Variants in CRYBG3 observed in about 807,000 individuals in gnomAD.
CRYBG3 encodes very large A-kinase anchor protein.
Under a neutral mutation model 244.2 loss-of-function variants are expected in CRYBG3, and 127 were observed. That is an observed-to-expected ratio of 0.52 (90% CI 0.45 to 0.60). CRYBG3 has a LOEUF of 0.60. Ranked by LOEUF, CRYBG3 falls within the 20% of genes least tolerant of loss-of-function variation. The pLI is 0.00. For missense variants in CRYBG3, 3,325 were observed against 3,442.5 expected (o/e 0.97, Z 0.85); for synonymous variants, 1,132 against 1,195.8 (o/e 0.95, Z 1.10).
At chr3:97,834,329 A>T (rs1179060944) in intron 1 of CRYBG3, among the ~76,000 whole-genome samples, 1 of 152,190 alleles carries the variant, frequency 6.6e-6, no homozygotes, top group Non-Finnish European at 1.5e-5. Flanking sequence ...TATGACAAAC[A>T]ATACAAATGG....
At chr3:97,894,373 G>GAA (rs140234308) in intron 11 of CRYBG3, among the ~76,000 whole-genome samples, 67,349 of 151,820 alleles carry the variant, frequency 0.44, 16,135 homozygotes, top group East Asian at 0.67. Context: ...ATCTGCAAGA[G>GAA]AAAGATGTGA....
At chr3:97,831,870 C>CT (rs200800162) in intron 1 of CRYBG3, among the ~76,000 whole-genome samples, 28 of 151,242 alleles carry the variant, frequency 1.9e-4, no homozygotes, top group South Asian at 4.2e-4. Context: ...TATTCTTCGT[C>CT]TTTTTTTTTA....
intron 1 of CRYBG3, among the ~76,000 whole-genome samples, chr3:97,825,135 G>T (rs1192932460): frequency 6.6e-6 from 1 of 152,182 alleles, no homozygotes; most frequent in Non-Finnish European, 1.5e-5. Flanking sequence ...AGAGTGAAAG[G>T]AGCAGTAAGA....
chr3:97,851,282 G>A (rs548767120), intron 2 of CRYBG3, among the ~76,000 whole-genome samples: 3 of 152,210 alleles, frequency 2.0e-5, no homozygotes, highest in Middle Eastern at 3.4e-3. Context: ...AGTAATACGC[G>A]GCAGCCAGAT....
intron 19 of CRYBG3, 99 bp downstream of exon 19, chr3:97,937,007 G>T (rs1013188511): frequency 1.8e-5 from 25 of 1,365,750 alleles, no homozygotes; most frequent in East Asian, 4.8e-5. Context: ...AATTTAGTTT[G>T]CCATTTACAT....
intron 17 of CRYBG3, among the ~76,000 whole-genome samples, chr3:97,930,862 C>T (rs558598042): frequency 6.6e-6 from 1 of 152,174 alleles, no homozygotes; most frequent in East Asian, 1.9e-4. Context: ...TTTATTCACA[C>T]ATTTCCTGAT....
At chr3:97,857,438 C>G (rs1285145508) in intron 2 of CRYBG3, among the ~76,000 whole-genome samples, 1 of 130,004 alleles carries the variant, frequency 7.7e-6, no homozygotes, top group Non-Finnish European at 1.6e-5. Context: ...TTTTTTTGGT[C>G]TAGATATGTC....
intron 2 of CRYBG3, among the ~76,000 whole-genome samples, chr3:97,843,705 T>C (rs1433870107): frequency 6.6e-6 from 1 of 152,196 alleles, no homozygotes; most frequent in Non-Finnish European, 1.5e-5. Flanking sequence ...GTTAGGTGTG[T>C]TTGGTTAGTT....
chr3:97,930,271 A>C (rs776743521), intron 17 of CRYBG3, among the ~76,000 whole-genome samples: 3 of 152,014 alleles, frequency 2.0e-5, no homozygotes, highest in Non-Finnish European at 4.4e-5. Flanking sequence ...TTCCTCACTA[A>C]TCAGTAACTC....
rs2039375611 is a variant in CRYBG3, at chr3:97,876,602, C to T, written c.5408C>T (p.Pro1803Leu). The T allele has an allele frequency of 1.6e-6, 2 of 1,233,502 alleles. No homozygotes were observed. Among genetic ancestry groups the T allele is most frequent in the Middle Eastern group, 3.1e-4 (1 of 3,208 alleles). 76.4% of individuals were successfully genotyped at this position (1,233,502 alleles called of 1,614,324 possible). A position where few individuals can be genotyped will look rare whatever the true frequency, so the allele number is the denominator to read the frequency against. The change falls in exon 4 of 22, where the codon CCG (proline) becomes CTG (leucine). Residue 1803 changes from proline (P) to leucine (L), a missense_variant. Transcript: ENST00000389622. ...EEVIKNTEIV[P>L]CVLKVKEAHE... The stretch of plus-strand genomic sequence containing the variant: ...GTCATTAAGAATACTGAAATAGTAC[C>T]GTGTGTGTTAAAAGTGAAGGAAGCA...
chr3:97,872,568 A>G lies in CRYBG3; in HGVS notation c.1374A>G (p.Pro458=). 1 of 1,536,020 alleles carries G rather than the reference A, an allele frequency of 6.5e-7. No homozygotes were observed. Among genetic ancestry groups the G allele is most frequent in the Non-Finnish European group, 8.7e-7 (1 of 1,146,824 alleles). ...TEQESTNLPS[P]NKSIRHEHLQ... is the part of the protein sequence containing the mutation. ...AGGAAAGTACAAATTTGCCAAGTCC[A>G]AATAAATCAATTAGGCATGAACATC... Residue 458 remains proline, a synonymous_variant, in exon 4 of 22, where the codon CCA becomes CCG. Coordinates refer to ENST00000389622, the MANE Select transcript of CRYBG3 (RefSeq NM_153605.4).
At chr3:97,839,870 C>T (rs572491431) in intron 1 of CRYBG3, among the ~76,000 whole-genome samples, 1 of 152,136 alleles carries the variant, frequency 6.6e-6, no homozygotes, top group African/African-American at 2.4e-5. Flanking sequence ...CAGGCCACAC[C>T]GCACCTGGCC....
intron 17 of CRYBG3, among the ~76,000 whole-genome samples, chr3:97,930,511 T>A (rs116231606): frequency 0.014 from 2,060 of 151,976 alleles, 48 homozygotes; most frequent in African/African-American, 0.047. Flanking sequence ...TAGAGATGAG[T>A]TTTTATTCCT....
At chr3:97,928,357 A>G (rs1242049274) in intron 17 of CRYBG3, among the ~76,000 whole-genome samples, 1 of 152,008 alleles carries the variant, frequency 6.6e-6, no homozygotes, top group African/African-American at 2.4e-5. Context: ...TAAACATTAA[A>G]TACACATGGG....
In CRYBG3 at chr3:97,877,417, G is replaced by A. The variant is rs73851083; in HGVS notation, c.6223G>A (p.Ala2075Thr). Residue 2075 changes from alanine to threonine, a missense_variant, in exon 4 of 22, where the codon GCC becomes ACC. By Grantham distance (58) the Ala-to-Thr change is moderately conservative. Transcript: ENST00000389622. ...TTCAGAAATGTTCTTATCAGTGGAGGCCAAAAGGTACAAAATTTATCCTTT... is the reference window on the plus strand; with the variant it reads ...TTCAGAAATGTTCTTATCAGTGGAGACCAAAAGGTACAAAATTTATCCTTT... ...DSSEMFLSVE[A>T]KRYKIYPLAL... 1,975 of 1,614,080 alleles carry A rather than the reference G, an allele frequency of 1.2e-3. 22 individuals carry two copies. The African/African-American group carries it at 0.022, about 18-fold the overall frequency.
At chr3:97,833,264 G>A (rs62264189) in intron 1 of CRYBG3, among the ~76,000 whole-genome samples, 9 of 152,126 alleles carry the variant, frequency 5.9e-5, no homozygotes, top group Non-Finnish European at 4.4e-5. Flanking sequence ...ACATGCACAC[G>A]TATGTTTATT....
Position 97,873,268 on chromosome 3 carries a change from G to A in CRYBG3, c.2074G>A (p.Gly692Ser). 1 of 1,535,064 alleles carries A rather than the reference G, an allele frequency of 6.5e-7. No homozygotes were observed. Among genetic ancestry groups the A allele is most frequent in the Non-Finnish European group, 8.7e-7 (1 of 1,146,470 alleles). The change falls in exon 4 of 22, where the codon GGT becomes AGT. Residue 692 changes from glycine (G) to serine (S), a missense_variant. Physicochemically the swap from Gly to Ser is moderately conservative, Grantham distance 56. Around this residue, in one of 4 missense-constraint regions of CRYBG3, gnomAD observed 1,526 missense variants for 1,443.2 expected, o/e 1.06. Coordinates refer to ENST00000389622, the MANE Select transcript of CRYBG3 (RefSeq NM_153605.4). ...PIETGNVNIV[G>S]ISYQPRKCKE... is the part of the protein sequence containing the mutation. ...TGAAACTGGGAATGTCAACATTGTT[G>A]GTATTTCCTATCAGCCTAGGAAGTG...
chr3:97,827,871 C>T (rs1291385849), intron 1 of CRYBG3, among the ~76,000 whole-genome samples: 6 of 152,106 alleles, frequency 3.9e-5, no homozygotes, highest in East Asian at 1.9e-4. Context: ...CAGCTTCCTC[C>T]GCTTAACTTG....
chr3:97,912,013 A>G (rs2039878101), intron 15 of CRYBG3, among the ~76,000 whole-genome samples, 154 bp from the exon 16 acceptor site: 1 of 152,230 alleles, frequency 6.6e-6, no homozygotes, highest in Non-Finnish European at 1.5e-5. Context: ...GGAGCATATC[A>G]TTATCCCTAA....
Sources: gnomAD v4.1 joint callset for allele counts (sites outside exome capture counted in the v4.1 genomes callset) on GRCh38, gnomAD v4.1.1 for gene constraint, gnomAD v4.1.1 regional missense constraint, MANE v1.5 for transcripts, NCBI Gene and HGNC (gene_info 2026-07-23, HGNC 2026-07-21) for gene names.